The following CPQ variants were observed in gnomAD, a reference collection of about 807,000 sequenced individuals.
CPQ encodes carboxypeptidase Q.
Under a neutral mutation model 45.7 loss-of-function variants are expected in CPQ, and 37 were observed. The ratio of observed to expected loss-of-function variants is 0.81; its 90% confidence interval spans 0.62 to 1.07. The LOEUF (loss-of-function observed/expected upper bound fraction) is 1.07. CPQ is among the 50% of genes least tolerant of loss of function. The pLI is 0.00. For synonymous variants in CPQ, 186 were observed against 205.8 expected (o/e 0.90, Z 0.82); for missense variants, 537 against 572.9 (o/e 0.94, Z 0.64).
chr8:96,829,220 T>G (rs1225995638), intron 2 of CPQ, among the ~76,000 whole-genome samples: 1 of 151,994 alleles, frequency 6.6e-6, no homozygotes, highest in East Asian at 1.9e-4. Flanking sequence ...TAATTATAAT[T>G]TATTGTGCCC....
intron 1 of CPQ, among the ~76,000 whole-genome samples, chr8:96,750,377 G>A (rs1023910553): frequency 6.6e-6 from 1 of 151,856 alleles, no homozygotes; most frequent in Non-Finnish European, 1.5e-5. Flanking sequence ...CTTTCAGATT[G>A]GTATTCTCCA....
intron 2 of CPQ, among the ~76,000 whole-genome samples, chr8:96,814,579 C>T (rs936141484): frequency 1.3e-5 from 2 of 152,128 alleles, no homozygotes; most frequent in African/African-American, 4.8e-5. Flanking sequence ...CTAAATCTTG[C>T]CCTCAACATA....
At chr8:97,127,846 A>G (rs1811873285) in intron 7 of CPQ, among the ~76,000 whole-genome samples, 1 of 152,218 alleles carries the variant, frequency 6.6e-6, no homozygotes, top group South Asian at 2.1e-4. Context: ...AAGAGATCAC[A>G]CTGTATGATT....
chr8:96,683,579 G>A (rs1475044921), intron 1 of CPQ, among the ~76,000 whole-genome samples: 1 of 151,924 alleles, frequency 6.6e-6, no homozygotes, highest in Non-Finnish European at 1.5e-5. Flanking sequence ...GCAAGATTTG[G>A]GAAGTTTTTA....
chr8:97,023,070 A>AGT (rs1416609263), intron 5 of CPQ, among the ~76,000 whole-genome samples: 36 of 140,644 alleles, frequency 2.6e-4, no homozygotes, highest in African/African-American at 8.9e-4. Flanking sequence ...TAGAAACTGT[A>AGT]GTGTATATAT....
intron 1 of CPQ, among the ~76,000 whole-genome samples, chr8:96,762,734 T>C (rs999307621): frequency 6.6e-6 from 1 of 152,118 alleles, no homozygotes; most frequent in Non-Finnish European, 1.5e-5. Flanking sequence ...TTTATTAATT[T>C]TTCCCTCAAT....
At chr8:96,931,129 G>A (rs1205361509) in intron 4 of CPQ, among the ~76,000 whole-genome samples, 1 of 152,192 alleles carries the variant, frequency 6.6e-6, no homozygotes, top group Admixed American at 6.5e-5. Context: ...ACAGGTTGAA[G>A]CAAAGATCAT....
intron 6 of CPQ, among the ~76,000 whole-genome samples, chr8:97,047,637 GTTTTAA>G (rs1810282151): frequency 6.6e-6 from 1 of 152,014 alleles, no homozygotes; most frequent in African/African-American, 2.4e-5. Context: ...GCTACAATGA[GTTTTAA>G]AAAAATAACC....
chr8:96,916,438 C>T (rs894633880), intron 4 of CPQ, among the ~76,000 whole-genome samples: 1 of 151,956 alleles, frequency 6.6e-6, no homozygotes, highest in African/African-American at 2.4e-5. Context: ...ATGGAGAGTT[C>T]GAGCAGGAAA....
chr8:96,944,508 A>G (rs941142253), intron 4 of CPQ, among the ~76,000 whole-genome samples: 6 of 151,522 alleles, frequency 4.0e-5, no homozygotes, highest in Non-Finnish European at 7.4e-5. Flanking sequence ...GTTATTAAAA[A>G]CAATAATAAA....
chr8:96,674,769 C>T (rs764787381), intron 1 of CPQ, among the ~76,000 whole-genome samples: 6 of 152,038 alleles, frequency 3.9e-5, no homozygotes, highest in Non-Finnish European at 8.8e-5. Flanking sequence ...AAATAAGAAG[C>T]GCCTTTGAAA....
At chr8:96,821,158 G>A (rs879869477) in intron 2 of CPQ, among the ~76,000 whole-genome samples, 1 of 68,474 alleles carries the variant, frequency 1.5e-5, no homozygotes, top group Non-Finnish European at 2.9e-5. Flanking sequence ...TTTTGCTATT[G>A]AGTTGTTTGA....
chr8:96,836,400 C>T (rs1426826712), intron 3 of CPQ, among the ~76,000 whole-genome samples: 1 of 152,130 alleles, frequency 6.6e-6, no homozygotes, highest in Non-Finnish European at 1.5e-5. Flanking sequence ...GAGGATGGGG[C>T]ATGTTAAAAC....
chr8:96,734,570 G>C (rs904284434), intron 1 of CPQ, among the ~76,000 whole-genome samples: 4 of 152,076 alleles, frequency 2.6e-5, no homozygotes, highest in Non-Finnish European at 5.9e-5. Context: ...AATTAGCTGG[G>C]CGTGGTGGCA....
chr8:97,111,730 C>T (rs778033077), intron 7 of CPQ, among the ~76,000 whole-genome samples: 2 of 152,190 alleles, frequency 1.3e-5, no homozygotes, highest in African/African-American at 2.4e-5. Context: ...TGCCTCATGT[C>T]GTCAGTGCAG....
At chr8:96,971,561 A>G (rs1399942766) in intron 5 of CPQ, among the ~76,000 whole-genome samples, 1 of 152,120 alleles carries the variant, frequency 6.6e-6, no homozygotes, top group Non-Finnish European at 1.5e-5. Flanking sequence ...CTGCACAATT[A>G]TTTGGGAACA....
chr8:96,812,113 T>A (rs374441642), intron 2 of CPQ, among the ~76,000 whole-genome samples: 29 of 152,190 alleles, frequency 1.9e-4, no homozygotes, highest in African/African-American at 5.5e-4. Flanking sequence ...AGATAGGTTC[T>A]TTTTAATATT....
chr8:97,043,164 G>A, intron 6 of CPQ, among the ~76,000 whole-genome samples: 1 of 152,150 alleles, frequency 6.6e-6, no homozygotes, highest in East Asian at 1.9e-4. Context: ...ATGAATCTGG[G>A]TGCTCCTGTA....
intron 5 of CPQ, among the ~76,000 whole-genome samples, chr8:97,025,258 C>G (rs1285210373): frequency 6.6e-6 from 1 of 152,026 alleles, no homozygotes; most frequent in East Asian, 1.9e-4. Context: ...TCTCTTCTCC[C>G]TATTATTATT....
Sources: gnomAD v4.1 joint callset for allele counts (sites outside exome capture counted in the v4.1 genomes callset) on GRCh38, gnomAD v4.1.1 for gene constraint, MANE v1.5 for transcripts, NCBI Gene and HGNC (gene_info 2026-07-23, HGNC 2026-07-21) for gene names.